The following ROBO2 variants were observed in gnomAD, a reference collection of about 807,000 sequenced individuals.
ROBO2 encodes roundabout homolog 2.
Under a neutral mutation model 160.8 loss-of-function variants are expected in ROBO2, and 53 were observed. The ratio of observed to expected loss-of-function variants is 0.33; its 90% CI spans 0.26 to 0.41. The LOEUF (loss-of-function observed/expected upper bound fraction) is 0.41. Among genes scored for constraint, ROBO2 ranks in the 10% least tolerant of loss-of-function variants. The pLI is 1.00. For synonymous variants in ROBO2, 664 were observed against 611.7 expected (o/e 1.09, Z -1.26); for missense variants, 1,577 against 1,722.4 (o/e 0.92, Z 1.49).
chr3:77,443,568 G>C (rs192948586), intron 2 of ROBO2, among the ~76,000 whole-genome samples: 3 of 152,180 alleles, frequency 2.0e-5, no homozygotes, highest in Non-Finnish European at 2.9e-5. Flanking sequence ...TCTTGTTTTA[G>C]AGGTAGACAA....
intron 17 of ROBO2, among the ~76,000 whole-genome samples, chr3:77,590,342 A>G (rs960467282): frequency 3.9e-5 from 6 of 152,160 alleles, no homozygotes; most frequent in African/African-American, 1.4e-4. Flanking sequence ...TATCACTTCA[A>G]CAGTGAAGGA....
At chr3:76,879,463 A>G (rs2148732298) in intron 2 of ROBO2, among the ~76,000 whole-genome samples, 1 of 152,240 alleles carries the variant, frequency 6.6e-6, no homozygotes, top group Middle Eastern at 3.4e-3. Context: ...AATCCCAAGA[A>G]GTGAACTCTC....
chr3:77,032,500 C>T (rs962488828), intron 2 of ROBO2, among the ~76,000 whole-genome samples: 4 of 151,816 alleles, frequency 2.6e-5, no homozygotes, highest in African/African-American at 7.3e-5. Context: ...TAATATTAAC[C>T]ATAGTTTAAT....
chr3:76,988,974 T>C (rs995790060), intron 2 of ROBO2, among the ~76,000 whole-genome samples: 7 of 152,168 alleles, frequency 4.6e-5, no homozygotes, highest in African/African-American at 1.7e-4. Flanking sequence ...TAAAATATGC[T>C]ATAAATCACA....
chr3:76,325,847 G>A (rs184694724), intron 2 of ROBO2, among the ~76,000 whole-genome samples: 142 of 152,192 alleles, frequency 9.3e-4, no homozygotes, highest in Admixed American at 1.4e-3. Flanking sequence ...AAAAAGGAAC[G>A]ACATAAGCTT....
chr3:77,337,840 G>A (rs1365397570), intron 2 of ROBO2, among the ~76,000 whole-genome samples: 1 of 152,108 alleles, frequency 6.6e-6, no homozygotes, highest in Admixed American at 6.6e-5. Context: ...TCTTTTAAAT[G>A]TATGGATAAT....
intron 2 of ROBO2, among the ~76,000 whole-genome samples, chr3:76,739,826 T>C (rs945627369): frequency 1.3e-5 from 2 of 152,190 alleles, no homozygotes; most frequent in African/African-American, 4.8e-5. Context: ...GATCTTAAAA[T>C]CATTGTTTAC....
chr3:76,822,041 G>C (rs779434864), intron 2 of ROBO2, among the ~76,000 whole-genome samples: 22 of 151,730 alleles, frequency 1.4e-4, no homozygotes, highest in Non-Finnish European at 2.4e-4. Flanking sequence ...TAAATATTTG[G>C]TGGTATTTAT....
At chr3:75,971,471 C>A (rs566174408) in intron 2 of ROBO2, among the ~76,000 whole-genome samples, 1 of 151,542 alleles carries the variant, frequency 6.6e-6, no homozygotes, top group South Asian at 2.1e-4. Flanking sequence ...TTTGGTCAAG[C>A]AATTAACCTC....
chr3:77,268,062 T>A (rs1215462207), intron 2 of ROBO2, among the ~76,000 whole-genome samples: 1 of 152,200 alleles, frequency 6.6e-6, no homozygotes, highest in Non-Finnish European at 1.5e-5. Flanking sequence ...ATTCACTGCA[T>A]TTGGATGTAG....
intron 2 of ROBO2, among the ~76,000 whole-genome samples, chr3:76,529,049 C>A (rs1193941158): frequency 1.3e-5 from 2 of 152,070 alleles, no homozygotes; most frequent in Non-Finnish European, 2.9e-5. Flanking sequence ...TGAGAAAAAA[C>A]CCTGACTGAA....
At chr3:76,758,707 A>G (rs969714207) in intron 2 of ROBO2, among the ~76,000 whole-genome samples, 2 of 151,816 alleles carry the variant, frequency 1.3e-5, no homozygotes, top group Admixed American at 6.6e-5. Context: ...CATATGGTTG[A>G]TAGGAATCTT....
At chr3:76,397,895 A>C (rs564671921) in intron 2 of ROBO2, among the ~76,000 whole-genome samples, 3,157 of 151,978 alleles carry the variant, frequency 0.021, 93 homozygotes, top group African/African-American at 0.072. Flanking sequence ...AACTAGTTCA[A>C]CCATTGTGGA....
At chr3:76,850,955 C>T (rs1271692312) in intron 2 of ROBO2, among the ~76,000 whole-genome samples, 2 of 152,182 alleles carry the variant, frequency 1.3e-5, no homozygotes, top group Non-Finnish European at 2.9e-5. Flanking sequence ...AGTTTCATCT[C>T]CAGAGTCCCT....
chr3:76,149,263 C>T (rs183201503), intron 2 of ROBO2, among the ~76,000 whole-genome samples: 2 of 152,184 alleles, frequency 1.3e-5, no homozygotes, highest in African/African-American at 2.4e-5. Flanking sequence ...AGGGGTAGTC[C>T]TTTAAAAATG....
intron 5 of ROBO2, among the ~76,000 whole-genome samples, chr3:77,504,148 A>G (rs939249856): frequency 1.3e-5 from 2 of 152,200 alleles, no homozygotes; most frequent in Non-Finnish European, 2.9e-5. Flanking sequence ...GTGATTCATC[A>G]TATAGACCTA....
At chr3:77,607,885 C>A in exon 21 of ROBO2, 4 of 1,613,886 alleles carry the variant, frequency 2.5e-6, no homozygotes, top group Non-Finnish European at 3.4e-6. Flanking sequence ...GTCCCTCTAC[C>A]TCCCCCCCCA....
chr3:77,498,260 G>A (rs1286269969), intron 5 of ROBO2, among the ~76,000 whole-genome samples: 1 of 151,960 alleles, frequency 6.6e-6, no homozygotes, highest in Non-Finnish European at 1.5e-5. Flanking sequence ...CTCTTCCACA[G>A]CCGAGAAAGG....
chr3:76,474,988 C>T (rs1026447952), intron 2 of ROBO2, among the ~76,000 whole-genome samples: 1 of 152,040 alleles, frequency 6.6e-6, no homozygotes, highest in Non-Finnish European at 1.5e-5. Context: ...GAACGCCCTA[C>T]TTCCATCGTC....
Sources: gnomAD v4.1 joint callset for allele counts (sites outside exome capture counted in the v4.1 genomes callset) on GRCh38, gnomAD v4.1.1 for gene constraint, MANE v1.5 for transcripts, NCBI Gene and HGNC (gene_info 2026-07-23, HGNC 2026-07-21) for gene names.